Variants in CASTOR2 observed in about 807,000 individuals in gnomAD.
The protein encoded by CASTOR2 is GATS protein like 2.
In CASTOR2, 8 loss-of-function variants were observed where a neutral mutation model predicts 31.2. The observed-to-expected ratio is 0.26, with a 90% CI of 0.15 to 0.46. The LOEUF (loss-of-function observed/expected upper bound fraction) is 0.46. Ranked by LOEUF, CASTOR2 falls within the 20% of genes least tolerant of loss-of-function variation. The probability of loss-of-function intolerance (pLI) is 0.99; values close to 1 mark genes in which losing one functional copy is unlikely to be tolerated. For synonymous variants in CASTOR2, 162 were observed against 158.7 expected (o/e 1.02, Z -0.16); for missense variants, 216 against 382.1 (o/e 0.57, Z 3.62).
At chr7:75,008,367 C>T (rs1266678954) in intron 2 of CASTOR2, among the ~76,000 whole-genome samples, 4 of 152,122 alleles carry the variant, frequency 2.6e-5, no homozygotes, top group African/African-American at 9.7e-5. Context: ...AGAATTAGAT[C>T]AACCCAGAAG....
intron 1 of CASTOR2, among the ~76,000 whole-genome samples, chr7:74,992,446 G>T (rs1804234630): frequency 2.6e-5 from 4 of 152,098 alleles, no homozygotes; most frequent in East Asian, 1.9e-4. Context: ...TACACGAAAA[G>T]ATTTTTTTTT....
intron 1 of CASTOR2, among the ~76,000 whole-genome samples, chr7:74,984,947 T>A (rs1465189825): frequency 2.0e-5 from 3 of 151,904 alleles, no homozygotes; most frequent in Non-Finnish European, 4.4e-5. Context: ...GCCTGGCCAA[T>A]GGGGTTAGTA....
intron 7 of CASTOR2, 80 bp from the exon 8 acceptor site, chr7:75,024,360 C>CAGAG: frequency 2.9e-6 from 4 of 1,401,580 alleles, no homozygotes; most frequent in Non-Finnish European, 4.0e-6. Context: ...GCATTGCCCA[C>CAGAG]AGAGGGTAGA....
At chr7:74,999,499 C>A (rs1224181362) in intron 1 of CASTOR2, among the ~76,000 whole-genome samples, 2 of 147,944 alleles carry the variant, frequency 1.4e-5, no homozygotes, top group Non-Finnish European at 3.0e-5. Flanking sequence ...AAAGCTGCAG[C>A]TGGTTAGCAG....
intron 1 of CASTOR2, among the ~76,000 whole-genome samples, chr7:75,002,149 C>T (rs1686888114): frequency 6.7e-6 from 1 of 148,472 alleles, no homozygotes; most frequent in Admixed American, 6.8e-5. Context: ...TGGTCTCAAA[C>T]TCCCAACCTC....
At position 75,023,788 on chromosome 7, in the gene CASTOR2, C is replaced by T. The variant is rs1330410042; in HGVS notation, c.830-652C>T. On this transcript the variant is annotated intron_variant, in intron 7 of 8. Transcript: ENST00000616305. ...CAGATCTCGTGAGGACTTACTGTCA[C>T]GAGAACAGTACCAAGAGGATGAGGC... Among the ~76,000 whole-genome samples the T allele has an allele frequency of 3.3e-5, 5 of 152,260 alleles. No individual in the cohort carries two copies. The East Asian group carries it at 5.8e-4, about 18-fold the overall frequency.
At chr7:75,016,753 G>C (rs1247388518) in intron 2 of CASTOR2, among the ~76,000 whole-genome samples, 1 of 152,152 alleles carries the variant, frequency 6.6e-6, no homozygotes, top group Non-Finnish European at 1.5e-5. Flanking sequence ...ACTGAGGCTC[G>C]GTGCAGATCA....
At chr7:74,990,947 C>T (rs1351394808) in intron 1 of CASTOR2, among the ~76,000 whole-genome samples, 3 of 151,282 alleles carry the variant, frequency 2.0e-5, no homozygotes, top group Non-Finnish European at 4.4e-5. Context: ...TTGGGTGTGG[C>T]GGCATGCACC....
rs1248467552 is a variant in CASTOR2 at position 75,029,647 on chromosome 7, G to A, written c.*4948G>A. Among the ~76,000 whole-genome samples the A allele has an allele frequency of 6.6e-6, 1 of 152,080 alleles. No homozygotes were observed. The highest frequency in any genetic ancestry group is 2.4e-5 in the African/African-American group (1 of 41,440). ...GCATGAGATACCCCGCCTGGCCAATGGGATTTTTGACGCCACTTCCTGAGT... is the reference window on the plus strand; with the variant it reads ...GCATGAGATACCCCGCCTGGCCAATAGGATTTTTGACGCCACTTCCTGAGT... On this transcript the variant is annotated 3_prime_UTR_variant, in exon 9 of 9. Coordinates refer to ENST00000616305, the MANE Select transcript of CASTOR2 (RefSeq NM_001145064.3).
At chr7:75,014,664 C>T (rs1417845270) in intron 2 of CASTOR2, among the ~76,000 whole-genome samples, 15 of 152,288 alleles carry the variant, frequency 9.8e-5, no homozygotes, top group African/African-American at 3.4e-4. Flanking sequence ...GTAGACCAAT[C>T]CATCAGACAG....
Position 75,025,109 on chromosome 7 carries a change from G to A in CASTOR2, c.*410G>A, listed in dbSNP as rs1805091337. 6.6e-6 allele frequency among the ~76,000 whole-genome samples: 1 copy of A among 152,238 alleles called. No homozygotes were observed. The highest frequency in any genetic ancestry group is 1.5e-5 in the Non-Finnish European group (1 of 68,028). On this transcript the variant is annotated 3_prime_UTR_variant, in exon 9 of 9. Transcript: ENST00000616305. ...GTCACCTTGCAGGGCTGGGGCTGGC[G>A]GGGTGGGGCCGAGTTTGGGGTGCCC...
At chr7:74,992,427 C>T (rs1804233804) in intron 1 of CASTOR2, among the ~76,000 whole-genome samples, 1 of 152,008 alleles carries the variant, frequency 6.6e-6, no homozygotes, top group South Asian at 2.1e-4. Flanking sequence ...CATCGTGAGA[C>T]CCTGTCTCTA....
intron 2 of CASTOR2, among the ~76,000 whole-genome samples, chr7:75,017,075 C>T (rs1804879892): frequency 6.6e-6 from 1 of 152,178 alleles, no homozygotes; most frequent in Admixed American, 6.5e-5. Context: ...TCACTTGAAC[C>T]CAGGAGGTGG....
At chr7:74,975,691 C>CAA (rs1178211684) in intron 1 of CASTOR2, among the ~76,000 whole-genome samples, 8 of 67,490 alleles carry the variant, frequency 1.2e-4, no homozygotes, top group Admixed American at 3.2e-4. Context: ...GACTCCATGT[C>CAA]AAAAAAAAAA....
chr7:75,025,819 C>T lies in CASTOR2; in HGVS notation c.*1120C>T, dbSNP rs1805112967. Among the ~76,000 whole-genome samples, 1 of 152,232 alleles carries T rather than the reference C, an allele frequency of 6.6e-6. No individual in the cohort carries two copies. The highest frequency in any genetic ancestry group is 6.5e-5 in the Admixed American group (1 of 15,282). Reference sequence around the variant, plus strand: ...GGGATAGGACCTGTTTGAGTTCTGTCAAGGGAGCCTGGAGGCTCTGTGTCA... The same window carrying T: ...GGGATAGGACCTGTTTGAGTTCTGTTAAGGGAGCCTGGAGGCTCTGTGTCA... On this transcript the variant is annotated 3_prime_UTR_variant, in exon 9 of 9. Coordinates refer to ENST00000616305, the MANE Select transcript of CASTOR2 (RefSeq NM_001145064.3).
In CASTOR2 at chr7:75,027,863, C is replaced by T; in HGVS notation, c.*3164C>T. 1.3e-6 allele frequency: 1 copy of T among 775,904 alleles called. No homozygotes were observed. The highest frequency in any genetic ancestry group is 2.1e-5 in the Admixed American group (1 of 46,814). The allele number at this position is 775,904 out of a possible 1,614,324, so 48.1% of individuals were successfully genotyped here. A position where few individuals can be genotyped will look rare whatever the true frequency, so the allele number is the denominator to read the frequency against. On this transcript the variant is annotated 3_prime_UTR_variant, in exon 9 of 9. Transcript: ENST00000616305. ...GGGTGGGGTGTGAGTGTGGTTTTTC[C>T]CAGGCAGGGGCCGTCTGCCCTTGTC...
At position 75,018,084 on chromosome 7, in the gene CASTOR2, A is replaced by G; in HGVS notation, c.473A>G (p.Asn158Ser). The G allele has an allele frequency of 6.2e-7, 1 of 1,614,066 alleles. No homozygotes were observed. ...VVNGETVAAE[N>S]LGITNGFVKP... Reference sequence around the variant, plus strand: ...AATGGCGAGACCGTGGCAGCCGAGAACCTCGGCATCACCAATGGCTTCGTG... The same window carrying G: ...AATGGCGAGACCGTGGCAGCCGAGAGCCTCGGCATCACCAATGGCTTCGTG... Residue 158 changes from asparagine to serine, a missense_variant, in exon 4 of 9, where the codon AAC becomes AGC. By Grantham distance (46) the Asn-to-Ser change is conservative (BLOSUM62 1). Around this residue, in one of 5 missense-constraint regions of CASTOR2, gnomAD observed 114 missense variants for 194.2 expected, o/e 0.59. Coordinates refer to ENST00000616305, the MANE Select transcript of CASTOR2 (RefSeq NM_001145064.3).
chr7:74,975,448 TGGCTCACGCCTGTAATCCCA>T (rs1349987961), intron 1 of CASTOR2, among the ~76,000 whole-genome samples: 1 of 137,944 alleles, frequency 7.2e-6, no homozygotes, highest in East Asian at 2.7e-4. Flanking sequence ...CTGGGCGCAG[TGGCTCACGCCTGTAATCCCA>T]GCACTTTGGG....
intron 1 of CASTOR2, among the ~76,000 whole-genome samples, chr7:74,998,247 C>T (rs1157114723): frequency 6.6e-6 from 1 of 152,164 alleles, no homozygotes; most frequent in Non-Finnish European, 1.5e-5. Flanking sequence ...GACCTCGTAC[C>T]AAGCCCTGTG....
Sources: gnomAD v4.1 joint callset for allele counts (sites outside exome capture counted in the v4.1 genomes callset) on GRCh38, gnomAD v4.1.1 for gene constraint, gnomAD v4.1.1 regional missense constraint, MANE v1.5 for transcripts, NCBI Gene and HGNC (gene_info 2026-07-23, HGNC 2026-07-21) for gene names.